Variants in ANTXR1 observed in about 807,000 individuals in gnomAD.
ANTXR1 encodes the protein anthrax toxin receptor 1.
A neutral mutation model predicts 78.1 loss-of-function variants in ANTXR1; 19 were observed. That is an observed-to-expected ratio of 0.24 (90% CI 0.17 to 0.36). ANTXR1 has a LOEUF of 0.36. ANTXR1 is among the 10% of genes least tolerant of loss of function. The pLI is 1.00. For synonymous variants in ANTXR1, 273 were observed against 260.5 expected, an observed-to-expected ratio of 1.05 and a Z score of -0.46; for missense variants, 518 against 718.6, an observed-to-expected ratio of 0.72 and a Z score of 3.19.
At chr2:69,119,493 CAGTTT>C (rs978029546) in intron 10 of ANTXR1, among the ~76,000 whole-genome samples, 19 of 152,240 alleles carry the variant, frequency 1.2e-4, no homozygotes, top group African/African-American at 4.3e-4. Flanking sequence ...GTCCCCAGTT[CAGTTT>C]ATTCTCTAAT....
At chr2:69,030,059 A>G (rs1268519577) in intron 1 of ANTXR1, among the ~76,000 whole-genome samples, 1 of 152,238 alleles carries the variant, frequency 6.6e-6, no homozygotes. Context: ...CTGGGTAGCA[A>G]GAGGGAGGGA....
At chr2:69,021,113 G>A (rs1414950365) in intron 1 of ANTXR1, among the ~76,000 whole-genome samples, 1 of 152,164 alleles carries the variant, frequency 6.6e-6, no homozygotes, top group African/African-American at 2.4e-5. Context: ...CTGAACCCTT[G>A]CTACCTGCCA....
chr2:69,212,960 C>CG, intron 17 of ANTXR1, among the ~76,000 whole-genome samples: 1 of 141,572 alleles, frequency 7.1e-6, no homozygotes. Context: ...GTGCACATCA[C>CG]CTTTTTTTTT....
chr2:69,089,864 A>G (rs1671171394), intron 8 of ANTXR1, among the ~76,000 whole-genome samples: 1 of 152,200 alleles, frequency 6.6e-6, no homozygotes, highest in Admixed American at 6.5e-5. Context: ...AATTAACTCA[A>G]TGTCTTATAC....
At chr2:69,123,842 G>A (rs773800296) in intron 11 of ANTXR1, among the ~76,000 whole-genome samples, 1 of 152,178 alleles carries the variant, frequency 6.6e-6, no homozygotes, top group Non-Finnish European at 1.5e-5. Flanking sequence ...CTCCAAAACC[G>A]TGTCTATAAT....
At chr2:69,140,391 G>A (rs528267499) in intron 12 of ANTXR1, among the ~76,000 whole-genome samples, 11 of 152,302 alleles carry the variant, frequency 7.2e-5, no homozygotes, top group East Asian at 3.9e-4. Context: ...CTCCAACAAC[G>A]CTGTCACTAT....
At chr2:69,035,156 C>T (rs915143970) in intron 1 of ANTXR1, among the ~76,000 whole-genome samples, 3 of 149,638 alleles carry the variant, frequency 2.0e-5, no homozygotes, top group East Asian at 2.0e-4. Context: ...AAGAAGGCAG[C>T]GGGGGGCGGG....
At chr2:69,102,980 G>T (rs369762848) in intron 10 of ANTXR1, 40 bp downstream of exon 10, 20 of 1,589,230 alleles carry the variant, frequency 1.3e-5, no homozygotes, top group Non-Finnish European at 1.6e-5. Context: ...TCGACAAGTG[G>T]CTTCAAGGAA....
chr2:69,214,387 C>G (rs1295783460), intron 17 of ANTXR1, among the ~76,000 whole-genome samples: 4 of 152,190 alleles, frequency 2.6e-5, no homozygotes, highest in Non-Finnish European at 1.5e-5. Flanking sequence ...AGAGATTTTT[C>G]TCCTGCCACC....
Position 69,129,707 on chromosome 2 carries a change from C to T in ANTXR1, c.951+5064C>T, listed in dbSNP as rs564539102. ...CAGAGGTTACAGTGAGCCGAGATTG[C>T]ACCACTGCACTCCAGCCTGGTAACA... On this transcript the variant is annotated intron_variant, in intron 12 of 17. Coordinates refer to ENST00000303714, the MANE Select transcript of ANTXR1 (RefSeq NM_032208.3). 1.8e-4 allele frequency among the ~76,000 whole-genome samples: 27 copies of T among 151,522 alleles called. No homozygotes were observed. The South Asian group carries it at 4.2e-3, about 23-fold the overall frequency.
rs77107271 is a variant in ANTXR1, at chr2:69,209,905, C to T, written c.1434+16490C>T. Among the ~76,000 whole-genome samples the T allele has an allele frequency of 8.7e-3, 1,326 of 152,300 alleles. 36 individuals are homozygous for T. The East Asian group carries it at 0.096, about 11-fold the overall frequency. On this transcript the variant is annotated intron_variant, in intron 17 of 17. Coordinates refer to ENST00000303714, the MANE Select transcript of ANTXR1 (RefSeq NM_032208.3). ...AGGGGGGAGACAAGTGCCCTAGCAT[C>T]CTCCACACTTGAATACTGCCTGCCT...
intron 16 of ANTXR1, among the ~76,000 whole-genome samples, chr2:69,191,898 C>T (rs1159708363): frequency 6.6e-6 from 1 of 152,246 alleles, no homozygotes; most frequent in Non-Finnish European, 1.5e-5. Context: ...CTTGATCTCT[C>T]TTTGACCCTC....
intron 17 of ANTXR1, among the ~76,000 whole-genome samples, chr2:69,211,673 C>CA (rs1459969243): frequency 6.6e-6 from 1 of 152,230 alleles, no homozygotes; most frequent in East Asian, 1.9e-4. Flanking sequence ...ACATACGCAG[C>CA]ATTTCCCAAA....
intron 13 of ANTXR1, among the ~76,000 whole-genome samples, chr2:69,163,135 G>A (rs540248041): frequency 1.3e-5 from 2 of 152,160 alleles, no homozygotes; most frequent in South Asian, 4.2e-4. Context: ...GTTGACGTGA[G>A]TCTGATGCAG....
chr2:69,233,759 T>C (rs998893003), intron 17 of ANTXR1, among the ~76,000 whole-genome samples: 1 of 151,862 alleles, frequency 6.6e-6, no homozygotes, highest in Admixed American at 6.5e-5. Flanking sequence ...ACACCTGACA[T>C]CACTTCTAAT....
At chr2:69,051,965 C>T (rs148474486) in intron 3 of ANTXR1, among the ~76,000 whole-genome samples, 63 of 151,982 alleles carry the variant, frequency 4.1e-4, no homozygotes, top group African/African-American at 1.4e-3. Context: ...TTTTTACTTT[C>T]GTTGATATTT....
intron 14 of ANTXR1, among the ~76,000 whole-genome samples, chr2:69,179,656 ACAAT>A (rs1465399277): frequency 6.6e-6 from 1 of 152,212 alleles, no homozygotes; most frequent in African/African-American, 2.4e-5. Context: ...ATGCTGAGAA[ACAAT>A]CAAAGGAGAA....
intron 8 of ANTXR1, among the ~76,000 whole-genome samples, chr2:69,088,737 G>A (rs552775769): frequency 2.0e-5 from 3 of 152,312 alleles, no homozygotes; most frequent in East Asian, 1.9e-4. Flanking sequence ...TGCTATATGC[G>A]CAAGAGACCG....
In ANTXR1 at chr2:69,102,984, C is replaced by T. The variant is rs774921652; in HGVS notation, c.802+44C>T. 47 of 1,574,834 alleles carry T rather than the reference C, an allele frequency of 3.0e-5. No individual in the cohort carries two copies. In the Middle Eastern group the frequency reaches 6.6e-4, roughly 22 times the overall value. ...CATGGGTTTCTTCGACAAGTGGCTTCAAGGAAGGGAATTCCCACCCTTGTC... is the reference window on the plus strand; with the variant it reads ...CATGGGTTTCTTCGACAAGTGGCTTTAAGGAAGGGAATTCCCACCCTTGTC... On this transcript the variant is annotated intron_variant, in intron 10 of 17. Transcript: ENST00000303714.
Sources: allele counts gnomAD v4.1 joint callset (sites outside exome capture counted in the v4.1 genomes callset), GRCh38; gene constraint gnomAD v4.1.1; transcripts MANE v1.5; gene names NCBI Gene and HGNC (gene_info 2026-07-23, HGNC 2026-07-21).